GPHN: variants seen among roughly 807,000 people sequenced by gnomAD.
GPHN encodes the protein gephyrin.
GPHN carries 17 observed loss-of-function variants against 95.5 expected under a neutral mutation model. The observed-to-expected ratio is 0.18, with a 90% confidence interval of 0.12 to 0.27. The LOEUF (loss-of-function observed/expected upper bound fraction) is 0.27. Ranked by LOEUF, GPHN falls within the 10% of genes least tolerant of loss-of-function variation. GPHN has a pLI of 1.00. For synonymous variants in GPHN, 320 were observed against 322.5 expected (o/e 0.99, Z 0.08); for missense variants, 660 against 978.1 (o/e 0.67, Z 4.34).
chr14:67,049,098 A>G (rs2075173172), intron 10 of GPHN, among the ~76,000 whole-genome samples: 1 of 152,170 alleles, frequency 6.6e-6, no homozygotes, highest in South Asian at 2.1e-4. Flanking sequence ...AAGAGGAAAA[A>G]GTGCATACTT....
At chr14:66,737,397 A>G (rs189997191) in intron 2 of GPHN, among the ~76,000 whole-genome samples, 128 of 152,248 alleles carry the variant, frequency 8.4e-4, no homozygotes, top group African/African-American at 3.0e-3. Flanking sequence ...CCCTGCACAA[A>G]TGTGGATTTG....
chr14:67,719,090 G>A, the GPHN span, among the ~76,000 whole-genome samples: 1 of 152,242 alleles, frequency 6.6e-6, no homozygotes, highest in Non-Finnish European at 1.5e-5. Flanking sequence ...TTAGGAGAAG[G>A]AAGGGGGACT....
At chr14:67,270,443 T>C in the GPHN span, 1 of 152,274 alleles carries the variant, frequency 6.6e-6, no homozygotes, top group East Asian at 1.9e-4. Context: ...TTATTTTTTT[T>C]TTAAACTTAT....
At chr14:67,320,977 A>C in the GPHN span, 1 of 1,179,622 alleles carries the variant, frequency 8.5e-7, no homozygotes, top group African/African-American at 1.5e-5. Context: ...CAAAATAGAA[A>C]TTCTTTCTGA....
intron 10 of GPHN, among the ~76,000 whole-genome samples, chr14:67,034,383 C>A (rs1028542849): frequency 1.3e-5 from 2 of 151,624 alleles, no homozygotes; most frequent in African/African-American, 4.8e-5. Flanking sequence ...AGGAAGACAG[C>A]AAGAGGGAAA....
chr14:66,982,164 A>C (rs978407425), intron 9 of GPHN, among the ~76,000 whole-genome samples: 2 of 152,094 alleles, frequency 1.3e-5, no homozygotes, highest in Non-Finnish European at 1.5e-5. Flanking sequence ...AAAATACTAC[A>C]TTTACAATTA....
chr14:66,705,136 T>G (rs1035722219), intron 2 of GPHN, among the ~76,000 whole-genome samples: 4 of 152,154 alleles, frequency 2.6e-5, no homozygotes, highest in African/African-American at 9.6e-5. Flanking sequence ...ATCCCTGAAT[T>G]GACCAATAAC....
At chr14:66,632,464 A>G (rs547438660) in intron 1 of GPHN, among the ~76,000 whole-genome samples, 4 of 148,856 alleles carry the variant, frequency 2.7e-5, no homozygotes, top group Admixed American at 2.0e-4. Context: ...ATTTGTCTCC[A>G]TACTTTCCTT....
At chr14:67,303,480 A>G in the GPHN span, 2 of 1,470,072 alleles carry the variant, frequency 1.4e-6, no homozygotes, top group Non-Finnish European at 9.5e-7. Context: ...AATGATTTTC[A>G]TAAATGCAAA....
chr14:67,383,714 A>G, the GPHN span: 7 of 378,386 alleles, frequency 1.8e-5, no homozygotes, highest in Admixed American at 1.1e-4. Context: ...TGGGCTTGTG[A>G]TTTCCATTTC....
intron 22 of GPHN, among the ~76,000 whole-genome samples, 160 bp downstream of exon 22, chr14:67,179,834 G>C (rs1276415800): frequency 1.3e-5 from 2 of 152,094 alleles, no homozygotes; most frequent in Non-Finnish European, 1.5e-5. Context: ...TATAGCAAAA[G>C]TTAAAAAATA....
At chr14:66,956,017 T>C (rs770926349) in intron 8 of GPHN, among the ~76,000 whole-genome samples, 55 of 152,244 alleles carry the variant, frequency 3.6e-4, no homozygotes, top group Non-Finnish European at 6.6e-4. Context: ...AGTAATTTTG[T>C]TGATACTTTT....
At chr14:66,816,086 G>C (rs906074762) in intron 3 of GPHN, among the ~76,000 whole-genome samples, 5 of 152,140 alleles carry the variant, frequency 3.3e-5, no homozygotes, top group African/African-American at 9.7e-5. Flanking sequence ...ATGGTAAAAG[G>C]TTCAAATCAA....
At chr14:67,703,173 A>G in the GPHN span, among the ~76,000 whole-genome samples, 3 of 152,188 alleles carry the variant, frequency 2.0e-5, no homozygotes, top group African/African-American at 7.2e-5. Flanking sequence ...CAAACTCACC[A>G]GTTTATAAAA....
chr14:67,057,027 G>A (rs1217572102), intron 10 of GPHN, among the ~76,000 whole-genome samples: 1 of 151,966 alleles, frequency 6.6e-6, no homozygotes, highest in Non-Finnish European at 1.5e-5. Flanking sequence ...GCCCGCAAGT[G>A]CCACCCACAG....
chr14:66,652,462 G>A (rs985361759), intron 1 of GPHN, among the ~76,000 whole-genome samples: 6 of 151,508 alleles, frequency 4.0e-5, no homozygotes, highest in African/African-American at 1.5e-4. Flanking sequence ...AGAATCTGCT[G>A]CAGAGATTTT....
chr14:67,244,381 A>AC, the GPHN span, among the ~76,000 whole-genome samples: 1 of 152,330 alleles, frequency 6.6e-6, no homozygotes, highest in South Asian at 2.1e-4. Context: ...AGTATGAGTG[A>AC]CAGTGGCTTC....
In GPHN at chr14:66,655,242, C is replaced by T. The variant is rs796761384; in HGVS notation, c.65-25865C>T. 5.9e-5 allele frequency among the ~76,000 whole-genome samples: 9 copies of T among 152,186 alleles called. 1 individual carries two copies. Among genetic ancestry groups the T allele is most frequent in the African/African-American group, 2.2e-4 (9 of 41,556 alleles). ...ATTTTTAAATGTTGAGTCTAACAAT[C>T]TGTTATTCTGTATATTTATTTATTA... On this transcript the variant is annotated intron_variant, in intron 1 of 22. Transcript: ENST00000478722.
At chr14:67,332,719 T>C in the GPHN span, 1 of 1,508,628 alleles carries the variant, frequency 6.6e-7, no homozygotes, top group African/African-American at 1.4e-5. Context: ...CATCTCTGAC[T>C]CATCCTATAT....
Sources: gnomAD v4.1 joint callset for allele counts (sites outside exome capture counted in the v4.1 genomes callset) on GRCh38, gnomAD v4.1.1 for gene constraint, MANE v1.5 for transcripts, NCBI Gene and HGNC (gene_info 2026-07-23, HGNC 2026-07-21) for gene names.